Variants in SEPTIN4 observed in about 807,000 individuals in gnomAD.
SEPTIN4 encodes septin-4.
Under a neutral mutation model 107.1 loss-of-function variants are expected in SEPTIN4, and 52 were observed. The ratio of observed to expected loss-of-function variants is 0.49; its 90% CI spans 0.39 to 0.61. The LOEUF is 0.61. SEPTIN4 is among the 20% of genes least tolerant of loss of function. The probability of loss-of-function intolerance (pLI) is 0.00; values close to 1 mark genes in which losing one functional copy is unlikely to be tolerated. For synonymous variants in SEPTIN4, 417 were observed against 467.0 expected (o/e 0.89, Z 1.38); for missense variants, 1,048 against 1,243.5 (o/e 0.84, Z 2.36).
At chr17:58,524,833 T>C (rs1310596532) in intron 7 of SEPTIN4, 1 of 430,850 alleles carries the variant, frequency 2.3e-6, no homozygotes, top group African/African-American at 2.0e-5. Context: ...CTCTTCTTTC[T>C]TATGTCCCTA....
intron 3 of SEPTIN4, chr17:58,527,953 A>T (rs1191569066): frequency 1.0e-6 from 1 of 985,582 alleles, no homozygotes; most frequent in East Asian, 1.1e-4. Flanking sequence ...AGCTCAGAAG[A>T]GGAACTGTTT....
At chr17:58,522,445 A>T (rs2042367450) in intron 7 of SEPTIN4, among the ~76,000 whole-genome samples, 1 of 152,092 alleles carries the variant, frequency 6.6e-6, no homozygotes, top group African/African-American at 2.4e-5. Flanking sequence ...GGATCACTTA[A>T]GGTCAGGAGT....
chr17:58,528,023 C>T (rs1369898439), intron 3 of SEPTIN4: 7 of 985,386 alleles, frequency 7.1e-6, no homozygotes, highest in Non-Finnish European at 8.4e-6. Flanking sequence ...TGGGGGTCAG[C>T]CTCCTTCGTG....
Position 58,521,471 on chromosome 17 carries a change from G to C in SEPTIN4, c.2571+74C>G, listed in dbSNP as rs1459261586. 1.1e-5 allele frequency: 17 copies of C among 1,575,478 alleles called. No homozygotes were observed. Among genetic ancestry groups the C allele is most frequent in the Non-Finnish European group, 1.4e-5 (16 of 1,145,690 alleles). ...GGGTCCTTTCCCACCCTGATAGCCT[G>C]AATATAGAATTCTACTCCCTTTTTC... On this transcript the variant is annotated intron_variant, in intron 10 of 13. Transcript: ENST00000672673. The surrounding 1 kb of genome is among the most constrained non-coding windows in gnomAD (Gnocchi z 6.4).
intron 3 of SEPTIN4, among the ~76,000 whole-genome samples, chr17:58,533,836 T>G (rs2043617005): frequency 6.6e-6 from 1 of 152,174 alleles, no homozygotes; most frequent in Non-Finnish European, 1.5e-5. Flanking sequence ...ATGTATGCAC[T>G]CTAAGAATAC....
chr17:58,530,267 T>A (rs1277195295), intron 3 of SEPTIN4: 1 of 152,246 alleles, frequency 6.6e-6, no homozygotes, highest in Non-Finnish European at 1.5e-5. Flanking sequence ...CACTCCCAGA[T>A]GATAGATACC....
chr17:58,525,715 C>T lies in SEPTIN4; in HGVS notation c.2072G>A (p.Arg691Gln), dbSNP rs772182274. The T allele has an allele frequency of 2.4e-5, 39 of 1,613,984 alleles. 1 individual carries two copies. Among genetic ancestry groups the T allele is most frequent in the Admixed American group, 5.0e-5 (3 of 60,000 alleles). ...SLFLTDLYRD[R>Q]KLLGAEERIM... Reference sequence around the variant, plus strand: ...CTTACCTTCAGCACCAAGAAGTTTCCGGTCCCGGTACAGATCAGTGAGGAA... The same window carrying T: ...CTTACCTTCAGCACCAAGAAGTTTCTGGTCCCGGTACAGATCAGTGAGGAA... Residue 691 changes from arginine (R) to glutamine (Q), a missense_variant, in exon 6 of 14, where the codon CGG (arginine) becomes CAG (glutamine). Around this residue, in one of 2 missense-constraint regions of SEPTIN4, gnomAD observed 787 missense variants for 871.8 expected, o/e 0.90. Coordinates refer to ENST00000672673, the MANE Select transcript of SEPTIN4 (RefSeq NM_001368771.2).
In SEPTIN4 at chr17:58,521,067, T is replaced by C. The variant is rs1358107934; in HGVS notation, c.2762A>G (p.His921Arg). Residue 921 changes from histidine (H) to arginine (R), a missense_variant, in exon 12 of 14, where the codon CAT becomes CGT. His to Arg is a conservative substitution (Grantham distance 29). This residue lies in a region of SEPTIN4 where 261 missense variants were observed against 371.7 expected (regional missense o/e 0.70). Coordinates refer to ENST00000672673, the MANE Select transcript of SEPTIN4 (RefSeq NM_001368771.2). This position sits in a 1 kb window ranked among gnomAD's most constrained non-coding sequence, Gnocchi z 6.4. The part of the protein sequence containing the change: ...QDLKDVTRET[H>R]YENYRAQCIQ... ...GCACTGTGCCCGGTAGTTCTCATAA[T>C]GTGTCTCCCGTGTCACATCCTTCAG... 9 of 1,614,192 alleles carry C rather than the reference T, an allele frequency of 5.6e-6. No individual in the cohort carries two copies. The East Asian group carries it at 1.8e-4, about 32-fold the overall frequency.
intron 3 of SEPTIN4, chr17:58,529,019 C>T (rs770773946): frequency 4.2e-5 from 61 of 1,462,030 alleles, no homozygotes; most frequent in Non-Finnish European, 5.7e-5. Context: ...CCAGCTCTGC[C>T]AGTGACCAAA....
intron 3 of SEPTIN4, among the ~76,000 whole-genome samples, chr17:58,536,641 T>C (rs2043722745): frequency 6.6e-6 from 1 of 152,228 alleles, no homozygotes; most frequent in Non-Finnish European, 1.5e-5. Flanking sequence ...ACACCCACAG[T>C]GTCAGCCTGA....
At chr17:58,541,663 C>T in intron 2 of SEPTIN4, 1 of 1,064,108 alleles carries the variant, frequency 9.4e-7, no homozygotes, top group East Asian at 2.4e-5. Context: ...GGCCATGAGG[C>T]TTAAATTATT....
In SEPTIN4 at chr17:58,526,275, G is replaced by A; in HGVS notation, c.1950C>T (p.Asn650=). 1.2e-6 allele frequency: 2 copies of A among 1,604,138 alleles called. No individual in the cohort carries two copies. The highest frequency in any genetic ancestry group is 2.2e-5 in the South Asian group (2 of 89,740). The change falls in exon 5 of 14, where the codon AAC becomes AAT. Residue 650 remains asparagine, a synonymous_variant. Coordinates refer to ENST00000672673, the MANE Select transcript of SEPTIN4 (RefSeq NM_001368771.2). ...TCTTCACGGACTTTCGGTGGACTTG[G>A]TTGGGGAGGGTTGCAAAGCCCACAT... ...KEYVGFATLP[N]QVHRKSVKKG...
intron 3 of SEPTIN4, among the ~76,000 whole-genome samples, chr17:58,533,061 C>T (rs769807668): frequency 5.3e-5 from 8 of 152,304 alleles, no homozygotes; most frequent in Non-Finnish European, 1.0e-4. Flanking sequence ...CCCACAGGCA[C>T]GGCCCTCTCT....
At chr17:58,536,252 A>G (rs2043706976) in intron 3 of SEPTIN4, among the ~76,000 whole-genome samples, 1 of 152,216 alleles carries the variant, frequency 6.6e-6, no homozygotes, top group Non-Finnish European at 1.5e-5. Flanking sequence ...TTACTATGAA[A>G]ACCCACTAAT....
At chr17:58,531,864 C>T in intron 3 of SEPTIN4, 1 of 1,069,980 alleles carries the variant, frequency 9.3e-7, no homozygotes. Context: ...ACAGCCGCGG[C>T]TGCGGTGCCG....
intron 3 of SEPTIN4, chr17:58,527,200 G>C (rs982979580): frequency 3.5e-6 from 3 of 863,314 alleles, no homozygotes; most frequent in African/African-American, 1.6e-5. Context: ...AAGGGTCCCA[G>C]GGTCCAGGAA....
rs771867292 is a variant in SEPTIN4, at chr17:58,521,798, C to T, written c.2407G>A (p.Val803Met). ...GTGTCTGCCTTAGCCAGGATAGGCA[C>T]GATGTTGACCCGCTGATGCAGGGCC... ...MKALHQRVNI[V>M]PILAKADTLT... is the part of the protein sequence containing the mutation. Residue 803 changes from valine to methionine, a missense_variant, in exon 9 of 14, where the codon GTG becomes ATG. This residue lies in a region of SEPTIN4 where 261 missense variants were observed against 371.7 expected (regional missense o/e 0.70). Coordinates refer to ENST00000672673, the MANE Select transcript of SEPTIN4 (RefSeq NM_001368771.2). The surrounding 1 kb of genome is among the most constrained non-coding windows in gnomAD (Gnocchi z 6.4). 1.3e-5 allele frequency: 21 copies of T among 1,614,080 alleles called. No homozygotes were observed. The highest frequency in any genetic ancestry group is 3.3e-5 in the South Asian group (3 of 91,094).
rs2042859345 is a variant in SEPTIN4, at chr17:58,526,263, T to C, written c.1962A>G (p.Arg654=). ...AGTCAAAGCCTTTCTTCACGGACTT[T>C]CGGTGGACTTGGTTGGGGAGGGTTG... ...GFATLPNQVH[R]KSVKKGFDFT... is the part of the protein sequence containing the mutation. The change falls in exon 5 of 14, where the codon CGA becomes CGG. Residue 654 remains arginine, a synonymous_variant. Coordinates refer to ENST00000672673, the MANE Select transcript of SEPTIN4 (RefSeq NM_001368771.2). 2 of 1,605,748 alleles carry C rather than the reference T, an allele frequency of 1.2e-6. No homozygotes were observed. Among genetic ancestry groups the C allele is most frequent in the Non-Finnish European group, 8.5e-7 (1 of 1,176,020 alleles).
At chr17:58,531,802 G>A in intron 3 of SEPTIN4, 1 of 653,208 alleles carries the variant, frequency 1.5e-6, no homozygotes, top group Non-Finnish European at 2.0e-6. Context: ...ACCGCCGCCC[G>A]GCAGCAGTGC....
Sources: allele counts gnomAD v4.1 joint callset (sites outside exome capture counted in the v4.1 genomes callset), GRCh38; gene constraint gnomAD v4.1.1; regional missense constraint gnomAD v4.1.1; non-coding constraint Gnocchi (gnomAD v3.1); transcripts MANE v1.5; gene names NCBI Gene and HGNC (gene_info 2026-07-23, HGNC 2026-07-21).